CLEC1A: variants seen among roughly 807,000 people sequenced by gnomAD.
The protein encoded by CLEC1A is C-type lectin domain family 1 member A.
In CLEC1A, 34 loss-of-function variants were observed where a neutral mutation model predicts 28.7. That is an observed-to-expected ratio of 1.18 (90% confidence interval 0.90 to 1.57). The LOEUF (loss-of-function observed/expected upper bound fraction) is 1.57, where lower values mean the gene tolerates loss of function less well. Ranked by LOEUF, CLEC1A falls within the 40% of genes most tolerant of loss-of-function variation. CLEC1A has a pLI of 0.00. For synonymous variants in CLEC1A, 116 were observed against 121.0 expected (o/e 0.96, Z 0.27); for missense variants, 385 against 339.5 (o/e 1.13, Z -1.05).
intron 2 of CLEC1A, among the ~76,000 whole-genome samples, chr12:10,088,786 G>A (rs1866553725): frequency 6.6e-6 from 1 of 152,022 alleles, no homozygotes; most frequent in Admixed American, 6.6e-5. Context: ...TATTCTCAGA[G>A]CCCAAACCTC....
intron 3 of CLEC1A, among the ~76,000 whole-genome samples, chr12:10,080,128 G>C (rs1175113642): frequency 6.6e-6 from 1 of 152,124 alleles, no homozygotes; most frequent in African/African-American, 2.4e-5. Flanking sequence ...GCCCAACACA[G>C]TGAAAACCCA....
chr12:10,098,568 TG>T (rs1947807708), intron 1 of CLEC1A, among the ~76,000 whole-genome samples: 1 of 152,082 alleles, frequency 6.6e-6, no homozygotes, highest in African/African-American at 2.4e-5. Context: ...TCACTAGAAC[TG>T]AAGTCATATT....
At chr12:10,098,749 G>A in intron 1 of CLEC1A, 59 bp downstream of exon 1, 1 of 1,052,868 alleles carries the variant, frequency 9.5e-7, no homozygotes. Context: ...AGGAGGGATA[G>A]ATCATCTCAC....
chr12:10,088,710 C>T (rs897877032), intron 2 of CLEC1A, among the ~76,000 whole-genome samples: 1 of 151,958 alleles, frequency 6.6e-6, no homozygotes, highest in Admixed American at 6.6e-5. Context: ...TTTACCTACT[C>T]TCCTTGTATT....
chr12:10,082,178 A>T (rs957271564), intron 2 of CLEC1A, among the ~76,000 whole-genome samples: 1 of 152,324 alleles, frequency 6.6e-6, no homozygotes, highest in Middle Eastern at 3.4e-3. Context: ...GGCAAAGAGG[A>T]ACTGCTACAG....
intron 1 of CLEC1A, among the ~76,000 whole-genome samples, chr12:10,090,408 G>C (rs563544034): frequency 3.9e-5 from 6 of 152,102 alleles, no homozygotes; most frequent in Non-Finnish European, 5.9e-5. Flanking sequence ...GTGCCACCAC[G>C]CCTGGCTAAT....
chr12:10,079,139 C>T (rs1040044099), intron 3 of CLEC1A, among the ~76,000 whole-genome samples: 7 of 152,182 alleles, frequency 4.6e-5, no homozygotes, highest in African/African-American at 1.7e-4. Context: ...ACTTCTACTA[C>T]CCCACTAGAG....
rs1475506766 is a variant in CLEC1A, at chr12:10,069,852, CAAAAT to C, written c.*1476_*1480del. On this transcript the variant is annotated 3_prime_UTR_variant, in exon 6 of 6. Transcript: ENST00000315330. The stretch of plus-strand genomic sequence containing the variant: ...TAGTCTTTGCTAAGTGACAATCTAA[CAAAAT>C]GAAGTTTATGAAAATGAGCACCAAT... 6.6e-6 allele frequency: 1 copy of C among 152,070 alleles called. No individual in the cohort carries two copies. Among genetic ancestry groups the C allele is most frequent in the Admixed American group, 6.5e-5 (1 of 15,272 alleles). 9.4% of individuals were successfully genotyped at this position (152,070 alleles called of 1,614,324 possible). A position where few individuals can be genotyped will look rare whatever the true frequency, so the allele number is the denominator to read the frequency against.
chr12:10,074,771 A>C (rs922378888), intron 4 of CLEC1A, among the ~76,000 whole-genome samples: 7 of 152,206 alleles, frequency 4.6e-5, no homozygotes, highest in African/African-American at 1.7e-4. Flanking sequence ...TTAAGAAGTA[A>C]TTAGAATGAT....
intron 2 of CLEC1A, 79 bp downstream of exon 2, chr12:10,089,045 A>G: frequency 8.9e-7 from 1 of 1,129,010 alleles, no homozygotes; most frequent in Non-Finnish European, 1.3e-6. Context: ...AGTTTAAAAA[A>G]CAAATCCATA....
chr12:10,083,576 G>C (rs1223701482), intron 2 of CLEC1A, among the ~76,000 whole-genome samples: 1 of 152,144 alleles, frequency 6.6e-6, no homozygotes, highest in Non-Finnish European at 1.5e-5. Flanking sequence ...AGGTTCAAGT[G>C]ATTCTCCTGC....
chr12:10,096,794 C>T (rs1947782910), intron 1 of CLEC1A, among the ~76,000 whole-genome samples: 1 of 152,104 alleles, frequency 6.6e-6, no homozygotes, highest in African/African-American at 2.4e-5. Context: ...GCCTCTCAAA[C>T]ACCCTCACTC....
intron 1 of CLEC1A, among the ~76,000 whole-genome samples, chr12:10,089,802 T>C (rs1167875699): frequency 5.9e-5 from 9 of 152,180 alleles, no homozygotes; most frequent in Admixed American, 3.3e-4. Flanking sequence ...GGATATTGTT[T>C]ATTCATTCAT....
intron 4 of CLEC1A, 67 bp downstream of exon 4, chr12:10,075,437 T>TCTTGC: frequency 2.6e-6 from 4 of 1,532,812 alleles, no homozygotes; most frequent in African/African-American, 1.4e-5. Flanking sequence ...CTTAGAGTCT[T>TCTTGC]CTTGCCTAAT....
rs79084541 is a variant in CLEC1A at position 10,086,901 on chromosome 12, T to A, written c.214+2223A>T. On this transcript the variant is annotated intron_variant, in intron 2 of 5. Coordinates refer to ENST00000315330, the MANE Select transcript of CLEC1A (RefSeq NM_016511.4). ...CTGATGAACACTGATGCAAAAATCATCAACAAAAGGCTAGCTAACTGAGGC... is the reference window on the plus strand; with the variant it reads ...CTGATGAACACTGATGCAAAAATCAACAACAAAAGGCTAGCTAACTGAGGC... 1.5e-4 allele frequency among the ~76,000 whole-genome samples: 23 copies of A among 152,098 alleles called. No homozygotes were observed. The East Asian group carries it at 4.1e-3, about 27-fold the overall frequency.
At chr12:10,073,477 A>G in intron 4 of CLEC1A, 66 bp from the exon 5 acceptor site, 1 of 1,169,330 alleles carries the variant, frequency 8.6e-7, no homozygotes, top group South Asian at 1.3e-5. Flanking sequence ...ACAGACATGC[A>G]TGGGCCAGCC....
At chr12:10,079,966 T>C (rs999692996) in intron 3 of CLEC1A, among the ~76,000 whole-genome samples, 4 of 152,200 alleles carry the variant, frequency 2.6e-5, no homozygotes, top group Non-Finnish European at 4.4e-5. Context: ...TTTTTGAAGA[T>C]ATGGCAACCA....
At chr12:10,082,607 T>C (rs1866395437) in intron 2 of CLEC1A, among the ~76,000 whole-genome samples, 1 of 152,160 alleles carries the variant, frequency 6.6e-6, no homozygotes, top group African/African-American at 2.4e-5. Context: ...GACATAAACT[T>C]GGGAGCTGTA....
At chr12:10,081,558 G>A in intron 2 of CLEC1A, 145 bp from the exon 3 acceptor site, 2 of 451,132 alleles carry the variant, frequency 4.4e-6, no homozygotes, top group Non-Finnish European at 8.0e-6. Context: ...TTGGACTCTA[G>A]TACATATATG....
Sources: gnomAD v4.1 joint callset for allele counts (sites outside exome capture counted in the v4.1 genomes callset) on GRCh38, gnomAD v4.1.1 for gene constraint, MANE v1.5 for transcripts, NCBI Gene and HGNC (gene_info 2026-07-23, HGNC 2026-07-21) for gene names.